The following RPH3A variants were observed in gnomAD, a reference collection of about 807,000 sequenced individuals.
RPH3A encodes the protein rabphilin 3A.
A neutral mutation model predicts 102.2 loss-of-function variants in RPH3A; 48 were observed. The observed-to-expected ratio is 0.47, with a 90% CI of 0.37 to 0.60. The LOEUF (loss-of-function observed/expected upper bound fraction) is 0.60. Ranked by LOEUF, RPH3A falls within the 20% of genes least tolerant of loss-of-function variation. The pLI, the probability that RPH3A is intolerant of heterozygous loss-of-function variation, is 0.00. For synonymous variants in RPH3A, 310 were observed against 324.3 expected, an observed-to-expected ratio of 0.96 and a Z score of 0.47; for missense variants, 781 against 910.1, an observed-to-expected ratio of 0.86 and a Z score of 1.83.
At chr12:112,843,286 G>T (rs1431719639) in intron 4 of RPH3A, among the ~76,000 whole-genome samples, 1 of 152,178 alleles carries the variant, frequency 6.6e-6, no homozygotes, top group Non-Finnish European at 1.5e-5. Flanking sequence ...CTGTCTGTTT[G>T]CTTCTGGAAT....
At chr12:112,856,939 G>A (rs1028600557) in intron 5 of RPH3A, among the ~76,000 whole-genome samples, 4 of 152,194 alleles carry the variant, frequency 2.6e-5, no homozygotes, top group East Asian at 1.9e-4. Context: ...GCTGGGAAGC[G>A]GCAAAGTCCA....
At chr12:112,807,828 C>T (rs1354974240) in intron 2 of RPH3A, among the ~76,000 whole-genome samples, 1 of 152,140 alleles carries the variant, frequency 6.6e-6, no homozygotes, top group Non-Finnish European at 1.5e-5. Flanking sequence ...TACCTCCCTC[C>T]CCAGAACTCT....
intron 1 of RPH3A, chr12:112,651,649 A>G (rs1016628984): frequency 2.0e-5 from 3 of 152,222 alleles, no homozygotes; most frequent in African/African-American, 7.2e-5. Context: ...AGCATTAAGG[A>G]CATTCACAAC....
At chr12:112,654,744 A>G (rs1181525657) in intron 1 of RPH3A, among the ~76,000 whole-genome samples, 2 of 152,194 alleles carry the variant, frequency 1.3e-5, no homozygotes, top group Non-Finnish European at 2.9e-5. Context: ...AGGCTGGGCA[A>G]AGGTTATCCT....
intron 1 of RPH3A, among the ~76,000 whole-genome samples, chr12:112,638,114 T>G (rs117332262): frequency 2.2e-3 from 342 of 152,028 alleles, no homozygotes; most frequent in Non-Finnish European, 3.1e-3. Context: ...CCCTCTTAGT[T>G]CCCATGAAAG....
intron 1 of RPH3A, among the ~76,000 whole-genome samples, chr12:112,637,305 CAT>C (rs1238175931): frequency 2.0e-5 from 3 of 152,128 alleles, no homozygotes; most frequent in Non-Finnish European, 4.4e-5. Context: ...CAATGCCAAA[CAT>C]GTGCAAAAGT....
At chr12:112,602,816 G>A (rs2039568851) in intron 1 of RPH3A, among the ~76,000 whole-genome samples, 1 of 152,112 alleles carries the variant, frequency 6.6e-6, no homozygotes, top group Non-Finnish European at 1.5e-5. Flanking sequence ...AAGAGTAGGA[G>A]AAAGAGAGTA....
At position 112,897,945 on chromosome 12, in the gene RPH3A, C is replaced by T. The variant is rs1454660514; in HGVS notation, c.*1165C>T. 6.6e-6 allele frequency: 1 copy of T among 152,356 alleles called. No individual in the cohort carries two copies. The highest frequency in any genetic ancestry group is 1.9e-4 in the East Asian group (1 of 5,198). The allele number at this position is 152,356 out of a possible 1,614,324, so 9.4% of individuals were successfully genotyped here. ...GCCTCAGCCAAAGCCTCCAGCCTTT[C>T]TCCTTTCTCCGCTCTTAGGTAAATG... On this transcript the variant is annotated 3_prime_UTR_variant, in exon 22 of 22. Transcript: ENST00000389385.
At chr12:112,867,555 A>G (rs2042632462) in intron 7 of RPH3A, among the ~76,000 whole-genome samples, 2 of 152,162 alleles carry the variant, frequency 1.3e-5, no homozygotes, top group African/African-American at 4.8e-5. Flanking sequence ...AACTAAGAGG[A>G]ATCAGCAAGG....
At position 112,655,089 on chromosome 12, in the gene RPH3A, G is replaced by A. The variant is rs117131670; in HGVS notation, c.-140+79770G>A. Among the ~76,000 whole-genome samples, 96 of 152,286 alleles carry A rather than the reference G, an allele frequency of 6.3e-4. 1 individual carries two copies. The East Asian group carries it at 0.017, about 27-fold the overall frequency. On this transcript the variant is annotated intron_variant, in intron 1 of 21. Coordinates refer to the RPH3A transcript ENST00000543106. ...TATGCTTGAAGGCCATGGCTTGAAG[G>A]CCAGACCACAAAGGGTTTCATTTTG...
chr12:112,847,044 G>A (rs1461944923), intron 4 of RPH3A, among the ~76,000 whole-genome samples: 1 of 152,178 alleles, frequency 6.6e-6, no homozygotes, highest in Non-Finnish European at 1.5e-5. Context: ...ATTGAATGAG[G>A]TAATGCAGGC....
intron 1 of RPH3A, among the ~76,000 whole-genome samples, chr12:112,672,846 G>C (rs912459398): frequency 1.4e-4 from 22 of 152,198 alleles, no homozygotes; most frequent in African/African-American, 5.1e-4. Context: ...TCCCAGCGCA[G>C]GTGCATGGTC....
chr12:112,826,950 C>T (rs4767014), intron 2 of RPH3A, among the ~76,000 whole-genome samples: 117,919 of 152,078 alleles, frequency 0.78, 46,291 homozygotes, highest in African/African-American at 0.9. Context: ...TATACCTGAG[C>T]ATATTTCTCA....
intron 1 of RPH3A, among the ~76,000 whole-genome samples, chr12:112,747,651 C>G (rs937373264): frequency 1.3e-5 from 2 of 152,272 alleles, no homozygotes; most frequent in South Asian, 2.1e-4. Flanking sequence ...TCTGATCTCC[C>G]TCGATCTGGG....
At chr12:112,613,775 C>T (rs1173069302) in intron 1 of RPH3A, among the ~76,000 whole-genome samples, 1 of 152,156 alleles carries the variant, frequency 6.6e-6, no homozygotes, top group Non-Finnish European at 1.5e-5. Flanking sequence ...TAGCAAGACC[C>T]TGCCTCTGCA....
rs549028706 is a variant in RPH3A at position 112,601,002 on chromosome 12, A to C, written c.-140+25683A>C. On this transcript the variant is annotated intron_variant, in intron 1 of 21. Coordinates refer to the RPH3A transcript ENST00000543106. ...TGCCAGATGCTTATAAAACCATTAG[A>C]TCTCATGAGAGGCACTCATTATCAC... is the stretch of plus-strand genomic sequence containing the variant. Among the ~76,000 whole-genome samples, 11 of 152,188 alleles carry C rather than the reference A, an allele frequency of 7.2e-5. No homozygotes were observed. In the East Asian group the frequency reaches 2.1e-3, roughly 29 times the overall value.
chr12:112,674,833 T>C lies in RPH3A; in HGVS notation c.-140+99514T>C, dbSNP rs549765280. ...CCTTATCTGATGGGCAATAGAAAGT[T>C]ATAAGCAGGGGTTTATTTGGGGGAA... is the stretch of plus-strand genomic sequence containing the variant. On this transcript the variant is annotated intron_variant, in intron 1 of 21. Coordinates refer to the RPH3A transcript ENST00000543106. Among the ~76,000 whole-genome samples the C allele has an allele frequency of 3.9e-5, 6 of 152,300 alleles. No individual in the cohort carries two copies. The South Asian group carries it at 1.2e-3, about 32-fold the overall frequency.
At chr12:112,671,463 C>T (rs2040129516) in intron 1 of RPH3A, among the ~76,000 whole-genome samples, 1 of 152,198 alleles carries the variant, frequency 6.6e-6, no homozygotes, top group African/African-American at 2.4e-5. Context: ...TACCTCTTCC[C>T]TTTAAAATAA....
In RPH3A at chr12:112,737,811, AGC is replaced by A. The variant is rs1325038229; in HGVS notation, c.-139-54331_-139-54330del. On this transcript the variant is annotated intron_variant, in intron 1 of 21. Transcript: ENST00000543106. The stretch of plus-strand genomic sequence containing the variant: ...AGACTGGGCCTAAATCCACACAGAG[AGC>A]TACTAAAAGTGTTGTCCATGACCGG... 3.3e-5 allele frequency among the ~76,000 whole-genome samples: 5 copies of A among 152,318 alleles called. No individual in the cohort carries two copies. In the East Asian group the frequency reaches 9.6e-4, roughly 29 times the overall value.
Sources: allele counts gnomAD v4.1 joint callset (sites outside exome capture counted in the v4.1 genomes callset), GRCh38; gene constraint gnomAD v4.1.1; transcripts MANE v1.5; gene names NCBI Gene and HGNC (gene_info 2026-07-23, HGNC 2026-07-21).